TAFA1: variants seen among roughly 807,000 people sequenced by gnomAD.
TAFA1 encodes chemokine-like protein TAFA-1.
Under a neutral mutation model 18.5 loss-of-function variants are expected in TAFA1, and 4 were observed. The ratio of observed to expected loss-of-function variants is 0.22; its 90% CI spans 0.11 to 0.49. The LOEUF is 0.49. TAFA1 is among the 20% of genes least tolerant of loss of function. The pLI, the probability that TAFA1 is intolerant of heterozygous loss-of-function variation, is 0.98. For synonymous variants in TAFA1, 56 were observed against 55.2 expected (o/e 1.01, Z -0.06); for missense variants, 147 against 169.0 (o/e 0.87, Z 0.72).
At chr3:68,051,945 T>C (rs1559717960) in intron 2 of TAFA1, among the ~76,000 whole-genome samples, 1 of 152,168 alleles carries the variant, frequency 6.6e-6, no homozygotes, top group African/African-American at 2.4e-5. Context: ...TTTCTATGAA[T>C]ATAGGACAAT....
intron 1 of TAFA1, chr3:68,006,372 C>A (rs1704357262): frequency 4.4e-6 from 2 of 450,626 alleles, no homozygotes; most frequent in South Asian, 6.0e-5. Flanking sequence ...TAGCCTAAAA[C>A]TTTATTTTTG....
intron 2 of TAFA1, among the ~76,000 whole-genome samples, chr3:68,156,278 C>G (rs2065865298): frequency 1.3e-5 from 2 of 152,286 alleles, no homozygotes; most frequent in Non-Finnish European, 2.9e-5. Flanking sequence ...CAGGCTAGCC[C>G]TTCTAACTAG....
rs918471203 is a variant in TAFA1 at position 68,438,930 on chromosome 3, C to T, written c.259+21510C>T. On this transcript the variant is annotated intron_variant, in intron 3 of 4. Coordinates refer to ENST00000478136, the MANE Select transcript of TAFA1 (RefSeq NM_213609.4). ...TCGTGGTATCCCTGAGCAGCAAGCC[C>T]ATGTAGAGAGTGTCAGGCCTGTCCC... Among the ~76,000 whole-genome samples, 3 of 152,204 alleles carry T rather than the reference C, an allele frequency of 2.0e-5. No homozygotes were observed. In the East Asian group the frequency reaches 5.8e-4, roughly 30 times the overall value.
chr3:68,092,241 TC>T (rs1448743776), intron 2 of TAFA1, among the ~76,000 whole-genome samples: 1 of 152,152 alleles, frequency 6.6e-6, no homozygotes, highest in Non-Finnish European at 1.5e-5. Context: ...CTTTTTTTTT[TC>T]TGATGCCTAA....
chr3:68,123,522 T>C (rs1433693902), intron 2 of TAFA1, among the ~76,000 whole-genome samples: 1 of 152,160 alleles, frequency 6.6e-6, no homozygotes, highest in Non-Finnish European at 1.5e-5. Context: ...GTTGACATGT[T>C]TGCAGTGATC....
chr3:68,448,903 A>C (rs1356715286), intron 3 of TAFA1, among the ~76,000 whole-genome samples: 1 of 152,198 alleles, frequency 6.6e-6, no homozygotes, highest in Non-Finnish European at 1.5e-5. Flanking sequence ...ACACTGTGTT[A>C]ATTCTAAGAG....
At chr3:68,280,442 A>G (rs1431781545) in intron 2 of TAFA1, among the ~76,000 whole-genome samples, 1 of 151,958 alleles carries the variant, frequency 6.6e-6, no homozygotes, top group Non-Finnish European at 1.5e-5. Context: ...GTATGTCTTG[A>G]TGAGTGCAGT....
intron 2 of TAFA1, among the ~76,000 whole-genome samples, chr3:68,077,605 G>T (rs2064843235): frequency 1.3e-5 from 2 of 151,920 alleles, no homozygotes; most frequent in South Asian, 4.2e-4. Flanking sequence ...GTTTGTCAAA[G>T]ATCAGATAGT....
chr3:68,304,085 A>G (rs72626941), intron 2 of TAFA1, among the ~76,000 whole-genome samples: 3,932 of 152,312 alleles, frequency 0.026, 91 homozygotes, highest in East Asian at 0.099. Context: ...GAAATTGGAT[A>G]TTTAAATGTG....
rs552666461 is a variant in TAFA1 at position 68,498,304 on chromosome 3, A to G, written c.260-40452A>G. Reference sequence around the variant, plus strand: ...TATTATATTATTTTGTAATCATTTAATCCACACATATGTATTGAGCCAGGC... The same window carrying G: ...TATTATATTATTTTGTAATCATTTAGTCCACACATATGTATTGAGCCAGGC... On this transcript the variant is annotated intron_variant, in intron 3 of 4. Coordinates refer to ENST00000478136, the MANE Select transcript of TAFA1 (RefSeq NM_213609.4). Among the ~76,000 whole-genome samples the G allele has an allele frequency of 1.3e-4, 20 of 152,320 alleles. No individual in the cohort carries two copies. In the East Asian group the frequency reaches 3.9e-3, roughly 29 times the overall value.
intron 2 of TAFA1, among the ~76,000 whole-genome samples, chr3:68,187,339 G>C (rs923007144): frequency 6.6e-6 from 1 of 151,884 alleles, no homozygotes; most frequent in Admixed American, 6.6e-5. Context: ...ATAAAACATT[G>C]TCAGACTTAG....
At chr3:67,991,842 ATCTATG>A in the TAFA1 span, among the ~76,000 whole-genome samples, 2 of 152,320 alleles carry the variant, frequency 1.3e-5, no homozygotes, top group South Asian at 2.1e-4. Context: ...TCATATGTCT[ATCTATG>A]TCTATATCTA....
chr3:68,065,997 G>C (rs1475325084), intron 2 of TAFA1, among the ~76,000 whole-genome samples: 1 of 152,054 alleles, frequency 6.6e-6, no homozygotes, highest in South Asian at 2.1e-4. Context: ...TGTACATACT[G>C]TATGGTTTCA....
At chr3:68,443,288 A>G (rs936782195) in intron 3 of TAFA1, among the ~76,000 whole-genome samples, 1 of 151,954 alleles carries the variant, frequency 6.6e-6, no homozygotes, top group African/African-American at 2.4e-5. Flanking sequence ...TTCCCTCACT[A>G]TTCTTATATC....
intron 3 of TAFA1, among the ~76,000 whole-genome samples, chr3:68,477,432 T>A (rs2072121918): frequency 6.6e-6 from 1 of 152,198 alleles, no homozygotes; most frequent in Non-Finnish European, 1.5e-5. Flanking sequence ...TGGAGTGCAG[T>A]GGTGCAATCT....
intron 2 of TAFA1, among the ~76,000 whole-genome samples, chr3:68,197,246 G>T (rs560019680): frequency 2.0e-5 from 3 of 151,758 alleles, no homozygotes; most frequent in African/African-American, 4.8e-5. Flanking sequence ...AGAATGATTT[G>T]CCCGTAAACA....
chr3:68,351,785 G>A (rs1267969810), intron 2 of TAFA1, among the ~76,000 whole-genome samples: 1 of 151,960 alleles, frequency 6.6e-6, no homozygotes, highest in Non-Finnish European at 1.5e-5. Flanking sequence ...GTGTAAAGCT[G>A]TCTTCAGTGG....
At chr3:68,345,453 C>T (rs1040835678) in intron 2 of TAFA1, among the ~76,000 whole-genome samples, 3 of 152,144 alleles carry the variant, frequency 2.0e-5, no homozygotes, top group African/African-American at 7.2e-5. Context: ...ATAGAGCTGC[C>T]CTTTTACACA....
intron 3 of TAFA1, among the ~76,000 whole-genome samples, chr3:68,536,499 C>G (rs2073280472): frequency 6.6e-6 from 1 of 152,066 alleles, no homozygotes; most frequent in Admixed American, 6.6e-5. Flanking sequence ...TAAAAACAGC[C>G]AACCAGAAAG....
Sources: gnomAD v4.1 joint callset for allele counts (sites outside exome capture counted in the v4.1 genomes callset) on GRCh38, gnomAD v4.1.1 for gene constraint, MANE v1.5 for transcripts, NCBI Gene and HGNC (gene_info 2026-07-23, HGNC 2026-07-21) for gene names.